PCSK2: variants seen among roughly 807,000 people sequenced by gnomAD.
PCSK2 encodes the protein neuroendocrine convertase 2.
In PCSK2, 14 loss-of-function variants were observed where a neutral mutation model predicts 69.7. That is an observed-to-expected ratio of 0.20 (90% CI 0.13 to 0.31). PCSK2 has a LOEUF of 0.31. PCSK2 is among the 10% of genes least tolerant of loss of function. The pLI, the probability that PCSK2 is intolerant of heterozygous loss-of-function variation, is 1.00. For synonymous variants in PCSK2, 307 were observed against 320.7 expected (o/e 0.96, Z 0.46); for missense variants, 544 against 842.5 (o/e 0.65, Z 4.39).
chr20:17,333,569 G>T (rs1311935902), intron 2 of PCSK2, among the ~76,000 whole-genome samples: 1 of 150,284 alleles, frequency 6.7e-6, no homozygotes, highest in Non-Finnish European at 1.5e-5. Context: ...CTTCACAGCT[G>T]GAAATGTCCC....
chr20:17,473,896 G>T (rs1233591141), intron 11 of PCSK2, among the ~76,000 whole-genome samples: 2 of 152,198 alleles, frequency 1.3e-5, no homozygotes, highest in African/African-American at 2.4e-5. Context: ...CAGCTCCTGT[G>T]CAGGAAGCAG....
intron 2 of PCSK2, among the ~76,000 whole-genome samples, chr20:17,323,823 TG>T (rs1233555510): frequency 1.3e-5 from 2 of 152,220 alleles, no homozygotes; most frequent in East Asian, 3.8e-4. Flanking sequence ...CTGACACTCT[TG>T]TGTCCCACCC....
At chr20:17,252,349 A>C (rs765538238) in intron 1 of PCSK2, among the ~76,000 whole-genome samples, 1 of 152,224 alleles carries the variant, frequency 6.6e-6, no homozygotes, top group Non-Finnish European at 1.5e-5. Context: ...TCTAAGAAAT[A>C]TTCCCCAAGT....
chr20:17,395,296 C>T (rs750907457), intron 5 of PCSK2, among the ~76,000 whole-genome samples: 25 of 152,062 alleles, frequency 1.6e-4, no homozygotes, highest in Non-Finnish European at 2.5e-4. Flanking sequence ...AACTCAAGTC[C>T]CTGAGTCCAC....
At chr20:17,475,449 G>C (rs879392089) in intron 11 of PCSK2, among the ~76,000 whole-genome samples, 2 of 152,048 alleles carry the variant, frequency 1.3e-5, no homozygotes, top group Non-Finnish European at 2.9e-5. Flanking sequence ...TCCATCATAA[G>C]AAGTCATCTC....
intron 2 of PCSK2, among the ~76,000 whole-genome samples, chr20:17,335,187 G>A (rs898355333): frequency 3.2e-4 from 27 of 83,592 alleles, no homozygotes; most frequent in Non-Finnish European, 6.3e-4. Context: ...AGACGGCAGC[G>A]GAGATTGGGG....
At chr20:17,446,273 G>A (rs914936654) in intron 8 of PCSK2, among the ~76,000 whole-genome samples, 6 of 152,132 alleles carry the variant, frequency 3.9e-5, no homozygotes, top group Admixed American at 6.6e-5. Context: ...ACACTGAATC[G>A]AGGTGAGGAT....
At chr20:17,369,301 G>C (rs772810115) in intron 5 of PCSK2, 24 bp downstream of exon 5, 1 of 1,605,980 alleles carries the variant, frequency 6.2e-7, no homozygotes, top group Non-Finnish European at 8.5e-7. Context: ...AACTTTGGTG[G>C]GGAAACAGAT....
At chr20:17,253,781 C>T (rs1343227864) in intron 1 of PCSK2, among the ~76,000 whole-genome samples, 1 of 152,088 alleles carries the variant, frequency 6.6e-6, no homozygotes, top group East Asian at 1.9e-4. Flanking sequence ...TAAGTAACTG[C>T]CAAAGAGCTT....
At chr20:17,230,189 G>A (rs1260247352) in intron 1 of PCSK2, among the ~76,000 whole-genome samples, 2 of 152,042 alleles carry the variant, frequency 1.3e-5, no homozygotes, top group African/African-American at 2.4e-5. Context: ...CTCCTTCCTT[G>A]CTCTGATGCT....
chr20:17,477,919 C>T (rs2033320474), intron 11 of PCSK2, among the ~76,000 whole-genome samples: 2 of 152,140 alleles, frequency 1.3e-5, no homozygotes. Flanking sequence ...CTGAGATAAC[C>T]TGCTAATGAT....
At chr20:17,266,557 T>C (rs1987610261) in intron 2 of PCSK2, among the ~76,000 whole-genome samples, 1 of 152,208 alleles carries the variant, frequency 6.6e-6, no homozygotes, top group African/African-American at 2.4e-5. Context: ...GTGATTCTTC[T>C]AGGAGAAATT....
At chr20:17,341,628 C>T (rs941675807) in intron 2 of PCSK2, among the ~76,000 whole-genome samples, 1 of 152,198 alleles carries the variant, frequency 6.6e-6, no homozygotes, top group Non-Finnish European at 1.5e-5. Context: ...CTTTTGAATT[C>T]TAGCAGCAGA....
chr20:17,383,387 T>G (rs1029616631), intron 5 of PCSK2, among the ~76,000 whole-genome samples: 1 of 152,184 alleles, frequency 6.6e-6, no homozygotes, highest in African/African-American at 2.4e-5. Context: ...TAGTAACTTC[T>G]GGGGAGAAAT....
In PCSK2 at chr20:17,358,335, G is replaced by T; in HGVS notation, c.291G>T (p.Met97Ile). Residue 97 changes from methionine (M) to isoleucine (I), a missense_variant, in exon 3 of 12, where the codon ATG (methionine) becomes ATT (isoleucine). Met to Ile is a conservative substitution (Grantham distance 10). Coordinates refer to ENST00000262545, the MANE Select transcript of PCSK2 (RefSeq NM_002594.5). ...CAGCATTGTCATTCCAGGTAAAGAT[G>T]GCTTTGCAGCAGGAAGGATTTGACC... The part of the protein sequence containing the change: ...QQLERDPRVK[M>I]ALQQEGFDRK... The T allele has an allele frequency of 6.3e-7, 1 of 1,593,234 alleles. No homozygotes were observed. The highest frequency in any genetic ancestry group is 1.1e-5 in the South Asian group (1 of 90,612).
At position 17,483,969 on chromosome 20, in the gene PCSK2, A is replaced by G. The variant is rs2033454758; in HGVS notation, c.*1899A>G. 1 of 152,596 alleles carries G rather than the reference A, an allele frequency of 6.6e-6. No homozygotes were observed. The highest frequency in any genetic ancestry group is 1.5e-5 in the Non-Finnish European group (1 of 68,024). 9.5% of individuals were successfully genotyped at this position (152,596 alleles called of 1,614,324 possible). ...TGTATATATACATACACTTGTATAAATGTATATACACATATACCTATAATG... is the reference window on the plus strand; with the variant it reads ...TGTATATATACATACACTTGTATAAGTGTATATACACATATACCTATAATG... On this transcript the variant is annotated 3_prime_UTR_variant, in exon 12 of 12. Transcript: ENST00000262545.
intron 6 of PCSK2, among the ~76,000 whole-genome samples, chr20:17,425,583 A>T (rs896746063): frequency 1.3e-5 from 2 of 152,224 alleles, no homozygotes; most frequent in Non-Finnish European, 2.9e-5. Context: ...GAATAAGATT[A>T]AAATGTGCTA....
intron 1 of PCSK2, among the ~76,000 whole-genome samples, chr20:17,228,795 G>C (rs1986031855): frequency 6.6e-6 from 1 of 152,196 alleles, no homozygotes. Flanking sequence ...CCGGAATTTC[G>C]ACCCCAGAAG....
intron 6 of PCSK2, 29 bp from the exon 7 acceptor site, chr20:17,429,406 A>G (rs1178387083): frequency 5.7e-6 from 9 of 1,575,096 alleles, no homozygotes; most frequent in Middle Eastern, 1.7e-4. Context: ...TTCACTGCAT[A>G]TCTAATGTGT....
Sources: gnomAD v4.1 joint callset for allele counts (sites outside exome capture counted in the v4.1 genomes callset) on GRCh38, gnomAD v4.1.1 for gene constraint, MANE v1.5 for transcripts, NCBI Gene and HGNC (gene_info 2026-07-23, HGNC 2026-07-21) for gene names.